The following ADAMTSL1 variants were observed in gnomAD, a reference collection of about 807,000 sequenced individuals.
The protein encoded by ADAMTSL1 is ADAMTS-like protein 1.
A neutral mutation model predicts 201.8 loss-of-function variants in ADAMTSL1; 126 were observed. That is an observed-to-expected ratio of 0.62 (90% confidence interval 0.54 to 0.72). The LOEUF (loss-of-function observed/expected upper bound fraction) is 0.72. Ranked by LOEUF, ADAMTSL1 falls within the 30% of genes least tolerant of loss-of-function variation. The probability of loss-of-function intolerance (pLI) is 0.00; values close to 1 mark genes in which losing one functional copy is unlikely to be tolerated. For synonymous variants in ADAMTSL1, 1,121 were observed against 903.4 expected, an observed-to-expected ratio of 1.24 and a Z score of -4.32; for missense variants, 2,679 against 2,277.8, an observed-to-expected ratio of 1.18 and a Z score of -3.59.
At chr9:18,203,974 G>A (rs974204419) in intron 2 of ADAMTSL1, among the ~76,000 whole-genome samples, 7 of 152,118 alleles carry the variant, frequency 4.6e-5, no homozygotes, top group African/African-American at 1.7e-4. Flanking sequence ...TGGGGAGAGG[G>A]GAGAAGAAAG....
chr9:17,914,193 C>G (rs1825996772), intron 1 of ADAMTSL1, among the ~76,000 whole-genome samples: 1 of 152,174 alleles, frequency 6.6e-6, no homozygotes, highest in Non-Finnish European at 1.5e-5. Flanking sequence ...CATCCTGATA[C>G]CAAAGCCTGG....
At chr9:18,860,500 C>G (rs1827142417) in intron 23 of ADAMTSL1, among the ~76,000 whole-genome samples, 1 of 138,476 alleles carries the variant, frequency 7.2e-6, no homozygotes, top group African/African-American at 3.2e-5. Flanking sequence ...TATTCACTAT[C>G]TGGCCCTTAA....
At chr9:18,716,593 T>A (rs200659337) in intron 14 of ADAMTSL1, among the ~76,000 whole-genome samples, 2 of 127,630 alleles carry the variant, frequency 1.6e-5, no homozygotes, top group Non-Finnish European at 3.3e-5. Context: ...AAACAATAGG[T>A]GCTGGAGAGG....
At chr9:18,729,578 T>C (rs1004147483) in intron 15 of ADAMTSL1, among the ~76,000 whole-genome samples, 5 of 152,248 alleles carry the variant, frequency 3.3e-5, no homozygotes, top group African/African-American at 1.2e-4. Context: ...TCCGTCCATT[T>C]ATAATGTTAC....
intron 2 of ADAMTSL1, among the ~76,000 whole-genome samples, chr9:18,528,177 C>A (rs1819213871): frequency 6.6e-6 from 1 of 152,012 alleles, no homozygotes; most frequent in South Asian, 2.1e-4. Flanking sequence ...CACACCTGGC[C>A]CATTTTTTTA....
At chr9:17,985,407 C>T (rs7868393) in intron 1 of ADAMTSL1, among the ~76,000 whole-genome samples, 126,449 of 152,002 alleles carry the variant, frequency 0.83, 52,771 homozygotes, top group East Asian at 0.94. Flanking sequence ...TAAATCAGTG[C>T]TTCTCTTCTA....
At chr9:18,827,969 GCAAAAAT>G (rs1159277315) in intron 22 of ADAMTSL1, among the ~76,000 whole-genome samples, 1 of 152,122 alleles carries the variant, frequency 6.6e-6, no homozygotes, top group Non-Finnish European at 1.5e-5. Context: ...CATTTAATCT[GCAAAAAT>G]GTAGCTTAAT....
intron 12 of ADAMTSL1, among the ~76,000 whole-genome samples, chr9:18,683,421 C>CG (rs1830641091): frequency 6.6e-6 from 1 of 150,576 alleles, no homozygotes; most frequent in African/African-American, 2.4e-5. Context: ...TTGGTAGAGA[C>CG]GGGGTTTCAC....
chr9:18,550,773 A>G (rs997697692), intron 3 of ADAMTSL1, among the ~76,000 whole-genome samples: 1 of 151,948 alleles, frequency 6.6e-6, no homozygotes, highest in Admixed American at 6.6e-5. Flanking sequence ...TTATGGCAGC[A>G]ATAGAAAACT....
chr9:17,999,459 T>C (rs896076438), intron 1 of ADAMTSL1, among the ~76,000 whole-genome samples: 1 of 152,060 alleles, frequency 6.6e-6, no homozygotes, highest in Non-Finnish European at 1.5e-5. Flanking sequence ...TGTTGGTCAT[T>C]GTAGATTTTT....
intron 2 of ADAMTSL1, among the ~76,000 whole-genome samples, chr9:18,243,477 C>T (rs1274844466): frequency 6.6e-6 from 1 of 152,068 alleles, no homozygotes. Flanking sequence ...GCTCTCCTCA[C>T]ACTGACCTTT....
At chr9:18,578,993 T>C (rs1426444247) in intron 4 of ADAMTSL1, among the ~76,000 whole-genome samples, 1 of 151,812 alleles carries the variant, frequency 6.6e-6, no homozygotes, top group Non-Finnish European at 1.5e-5. Context: ...TGATGAGCAT[T>C]TTTTCATGTG....
At chr9:18,058,914 T>C (rs16936281) in intron 1 of ADAMTSL1, among the ~76,000 whole-genome samples, 14,445 of 152,234 alleles carry the variant, frequency 0.095, 1,136 homozygotes, top group African/African-American at 0.22. Context: ...AGCTTCTACA[T>C]TGAAAGCCTG....
chr9:18,851,721 A>T (rs1156684674), intron 23 of ADAMTSL1, among the ~76,000 whole-genome samples: 1 of 152,156 alleles, frequency 6.6e-6, no homozygotes, highest in African/African-American at 2.4e-5. Context: ...TGGCCTGTCA[A>T]CACTTGGGAA....
chr9:18,166,246 G>T (rs550041980), intron 2 of ADAMTSL1, among the ~76,000 whole-genome samples: 6 of 151,960 alleles, frequency 3.9e-5, no homozygotes, highest in African/African-American at 1.4e-4. Context: ...ATTTAGCCCA[G>T]CACTTGCTTC....
chr9:18,028,613 G>A (rs982675942), intron 1 of ADAMTSL1, among the ~76,000 whole-genome samples: 1 of 151,992 alleles, frequency 6.6e-6, no homozygotes, highest in Non-Finnish European at 1.5e-5. Flanking sequence ...CTGTTCCATT[G>A]GTCTATATCT....
intron 1 of ADAMTSL1, among the ~76,000 whole-genome samples, chr9:18,491,348 C>T (rs1464741282): frequency 6.6e-6 from 1 of 152,158 alleles, no homozygotes; most frequent in African/African-American, 2.4e-5. Context: ...TTTCACATTG[C>T]TAAGCATGTT....
chr9:18,016,503 C>T lies in ADAMTSL1; in HGVS notation c.87+109581C>T, dbSNP rs10963393. Among the ~76,000 whole-genome samples, 437 of 152,074 alleles carry T rather than the reference C, an allele frequency of 2.9e-3. 2 individuals carry two copies. Among genetic ancestry groups the T allele is most frequent in the African/African-American group, 0.01 (425 of 41,526 alleles). On this transcript the variant is annotated intron_variant, in intron 1 of 29. Coordinates refer to the ADAMTSL1 transcript ENST00000680146. ...TCCTGTAAGTAAATATTTTCCCCAACATTTGCAAGATACCTGATTACAGAG... is the reference window on the plus strand; with the variant it reads ...TCCTGTAAGTAAATATTTTCCCCAATATTTGCAAGATACCTGATTACAGAG...
chr9:18,526,324 A>G (rs1035832366), intron 2 of ADAMTSL1, among the ~76,000 whole-genome samples: 6 of 152,174 alleles, frequency 3.9e-5, no homozygotes, highest in South Asian at 2.1e-4. Context: ...TTTTGAGCCT[A>G]TGTGTGTCTC....
Sources: gnomAD v4.1 joint callset for allele counts (sites outside exome capture counted in the v4.1 genomes callset) on GRCh38, gnomAD v4.1.1 for gene constraint, MANE v1.5 for transcripts, NCBI Gene and HGNC (gene_info 2026-07-23, HGNC 2026-07-21) for gene names.